CYP4Z1: variants seen among roughly 807,000 people sequenced by gnomAD.
CYP4Z1 encodes cytochrome P450 family 4 subfamily Z member 1, also known as cytochrome P450 4Z1.
In CYP4Z1, 41 loss-of-function variants were observed where a neutral mutation model predicts 54.2. The ratio of observed to expected loss-of-function variants is 0.76; its 90% CI spans 0.59 to 0.98. The LOEUF (loss-of-function observed/expected upper bound fraction) is 0.98. Among genes scored for constraint, CYP4Z1 ranks in the 50% least tolerant of loss-of-function variants. CYP4Z1 has a pLI of 0.00. For synonymous variants in CYP4Z1, 163 were observed against 206.2 expected, an observed-to-expected ratio of 0.79 and a Z score of 1.79; for missense variants, 513 against 599.0, an observed-to-expected ratio of 0.86 and a Z score of 1.50.
intron 1 of CYP4Z1, 76 bp from the exon 2 acceptor site, chr1:47,068,546 C>T: frequency 3.8e-6 from 6 of 1,560,950 alleles, no homozygotes; most frequent in Non-Finnish European, 5.2e-6. Context: ...CAACTTAGCA[C>T]ATGGTCCATC....
intron 6 of CYP4Z1, among the ~76,000 whole-genome samples, chr1:47,091,833 T>C (rs1644640412): frequency 1.3e-5 from 2 of 149,560 alleles, no homozygotes; most frequent in Non-Finnish European, 3.0e-5. Context: ...GCAACTAAGG[T>C]TGAGAAAAAT....
the CYP4Z1 span, among the ~76,000 whole-genome samples, chr1:47,061,765 T>C: frequency 1.3e-5 from 2 of 152,166 alleles, no homozygotes; most frequent in African/African-American, 2.4e-5. Flanking sequence ...TTGATGAACA[T>C]TGATGCAAAA....
At chr1:47,086,138 G>C (rs1020628546) in intron 6 of CYP4Z1, among the ~76,000 whole-genome samples, 3 of 152,100 alleles carry the variant, frequency 2.0e-5, no homozygotes, top group African/African-American at 7.2e-5. Context: ...ATTGTGAAAA[G>C]TGCCACAGTA....
At chr1:47,067,759 T>A in intron 1 of CYP4Z1, 92 bp downstream of exon 1, 1 of 1,211,792 alleles carries the variant, frequency 8.3e-7, no homozygotes, top group Non-Finnish European at 1.1e-6. Flanking sequence ...TTATGTAATA[T>A]GCAAAATGCT....
Position 47,085,845 on chromosome 1 carries a change from C to G in CYP4Z1, c.772+867C>G, listed in dbSNP as rs1015758085. Among the ~76,000 whole-genome samples the G allele has an allele frequency of 2.1e-4, 22 of 103,002 alleles. 1 individual carries two copies. The highest frequency in any genetic ancestry group is 3.1e-4 in the Non-Finnish European group (17 of 54,176). The allele number at this position is 103,002 out of a possible 152,430, so 67.6% of individuals were successfully genotyped here. A position where few individuals can be genotyped will look rare whatever the true frequency, so the allele number is the denominator to read the frequency against. ...TCTCCTAATGCTATCCCACCCCCCT[C>G]CCCCCACCCCACAACAGGCCCCAGT... On this transcript the variant is annotated intron_variant, in intron 6 of 11. Transcript: ENST00000334194.
At chr1:47,056,224 G>A in the CYP4Z1 span, among the ~76,000 whole-genome samples, 1 of 152,182 alleles carries the variant, frequency 6.6e-6, no homozygotes, top group South Asian at 2.1e-4. Flanking sequence ...ATGTAGTTGA[G>A]TGGTTTTGAG....
chr1:47,104,462 G>T (rs1359399403), intron 8 of CYP4Z1, among the ~76,000 whole-genome samples: 2 of 152,194 alleles, frequency 1.3e-5, no homozygotes, highest in South Asian at 4.1e-4. Flanking sequence ...AAATGGCAGT[G>T]GTGGGTCAGG....
chr1:47,091,822 T>G, intron 6 of CYP4Z1, among the ~76,000 whole-genome samples: 1 of 149,766 alleles, frequency 6.7e-6, no homozygotes, highest in Non-Finnish European at 1.5e-5. Context: ...AAGTTCTAAC[T>G]GCAACTAAGG....
chr1:47,115,621 G>C, intron 10 of CYP4Z1, 28 bp downstream of exon 10: 2 of 1,601,880 alleles, frequency 1.2e-6, no homozygotes, highest in Non-Finnish European at 1.7e-6. Context: ...GCACCCAGTG[G>C]CATCTAAGAT....
At chr1:47,098,883 T>C (rs1397884614) in intron 7 of CYP4Z1, among the ~76,000 whole-genome samples, 3 of 152,242 alleles carry the variant, frequency 2.0e-5, no homozygotes, top group African/African-American at 7.2e-5. Context: ...CAATTTATTC[T>C]GCCCAGTTGA....
intron 8 of CYP4Z1, among the ~76,000 whole-genome samples, chr1:47,103,024 T>C (rs1435564865): frequency 6.6e-6 from 1 of 152,074 alleles, no homozygotes; most frequent in African/African-American, 2.4e-5. Flanking sequence ...TCTTTTTTAT[T>C]CTTTTTTTAA....
At chr1:47,083,306 C>A (rs1264186762) in intron 4 of CYP4Z1, among the ~76,000 whole-genome samples, 2 of 152,200 alleles carry the variant, frequency 1.3e-5, no homozygotes, top group African/African-American at 4.8e-5. Flanking sequence ...ACCCTCGTCA[C>A]CATGCCCACG....
At chr1:47,086,041 G>A (rs1644591874) in intron 6 of CYP4Z1, among the ~76,000 whole-genome samples, 2 of 151,934 alleles carry the variant, frequency 1.3e-5, no homozygotes, top group African/African-American at 4.8e-5. Context: ...TTTTATGGCT[G>A]CATAGTATTC....
intron 8 of CYP4Z1, among the ~76,000 whole-genome samples, chr1:47,101,536 T>C (rs1031738612): frequency 1.2e-4 from 18 of 152,156 alleles, no homozygotes; most frequent in African/African-American, 4.3e-4. Flanking sequence ...GTTGTTGAAT[T>C]TCCATGTATT....
intron 6 of CYP4Z1, among the ~76,000 whole-genome samples, chr1:47,087,799 T>C (rs1026585670): frequency 6.6e-6 from 1 of 152,198 alleles, no homozygotes; most frequent in African/African-American, 2.4e-5. Context: ...GCTTCCAGGT[T>C]TTGCCCATTC....
the CYP4Z1 span, among the ~76,000 whole-genome samples, chr1:47,058,114 C>T: frequency 6.6e-6 from 1 of 152,024 alleles, no homozygotes; most frequent in Admixed American, 6.6e-5. Flanking sequence ...ATATCTGTGC[C>T]ATCAAAAGCT....
intron 9 of CYP4Z1, among the ~76,000 whole-genome samples, chr1:47,112,775 T>C (rs995997084): frequency 6.6e-6 from 1 of 152,018 alleles, no homozygotes; most frequent in Non-Finnish European, 1.5e-5. Context: ...CATGGCCAAG[T>C]AAGTAGGTCA....
intron 7 of CYP4Z1, 104 bp from the exon 8 acceptor site, chr1:47,098,990 T>G: frequency 7.3e-7 from 1 of 1,364,354 alleles, no homozygotes. Flanking sequence ...TTGTATTAAT[T>G]TTGAATTTTA....
At chr1:47,057,335 A>AAAAAATATAT in the CYP4Z1 span, among the ~76,000 whole-genome samples, 6 of 28,482 alleles carry the variant, frequency 2.1e-4, no homozygotes, top group Admixed American at 5.3e-4. Flanking sequence ...AAGAAAAAAA[A>AAAAAATATAT]ATATATATAT....
Sources: allele counts gnomAD v4.1 joint callset (sites outside exome capture counted in the v4.1 genomes callset), GRCh38; gene constraint gnomAD v4.1.1; transcripts MANE v1.5; gene names NCBI Gene and HGNC (gene_info 2026-07-23, HGNC 2026-07-21).